ZFHX3: variants seen among roughly 807,000 people sequenced by gnomAD.
ZFHX3 encodes zinc finger homeobox 3.
In ZFHX3, 42 loss-of-function variants were observed where a neutral mutation model predicts 279.1. The observed-to-expected ratio is 0.15, with a 90% CI of 0.12 to 0.19. The LOEUF (loss-of-function observed/expected upper bound fraction) is 0.19, where lower values mean the gene tolerates loss of function less well. ZFHX3 is among the 10% of genes least tolerant of loss of function. ZFHX3 has a pLI of 1.00. For synonymous variants in ZFHX3, 2,293 were observed against 1,957.8 expected, an observed-to-expected ratio of 1.17 and a Z score of -4.52; for missense variants, 4,981 against 4,754.0, an observed-to-expected ratio of 1.05 and a Z score of -1.40.
chr16:73,783,309 G>C (rs2142306186), intron 1 of ZFHX3, among the ~76,000 whole-genome samples: 1 of 152,328 alleles, frequency 6.6e-6, no homozygotes, highest in South Asian at 2.1e-4. Context: ...GGCCTCTGCT[G>C]CAACTACGCC....
chr16:73,442,680 C>A (rs931093996), intron 3 of ZFHX3, among the ~76,000 whole-genome samples: 2 of 152,132 alleles, frequency 1.3e-5, no homozygotes, highest in African/African-American at 4.8e-5. Context: ...GCTGACCCAC[C>A]TCAGGGCCAT....
At chr16:73,303,142 C>A (rs1050506929) in intron 4 of ZFHX3, among the ~76,000 whole-genome samples, 1 of 152,018 alleles carries the variant, frequency 6.6e-6, no homozygotes, top group East Asian at 1.9e-4. Flanking sequence ...GATCCTCCCA[C>A]CTCGGCCTCC....
intron 2 of ZFHX3, among the ~76,000 whole-genome samples, chr16:73,649,858 G>A (rs2052654401): frequency 6.6e-6 from 1 of 152,160 alleles, no homozygotes; most frequent in Admixed American, 6.5e-5. Flanking sequence ...AGAATCAAAA[G>A]GGTAGCTAGA....
chr16:73,804,430 A>G (rs968609885), intron 1 of ZFHX3, among the ~76,000 whole-genome samples: 2 of 152,202 alleles, frequency 1.3e-5, no homozygotes, highest in Non-Finnish European at 2.9e-5. Flanking sequence ...CACATAGGTG[A>G]TACCCAGTAT....
chr16:73,882,789 C>G (rs1286383423), intron 1 of ZFHX3, among the ~76,000 whole-genome samples: 1 of 151,926 alleles, frequency 6.6e-6, no homozygotes, highest in Non-Finnish European at 1.5e-5. Flanking sequence ...CCCGAAACAA[C>G]TACTCAAAAA....
chr16:73,153,815 A>T (rs746669821), intron 5 of ZFHX3, among the ~76,000 whole-genome samples: 2 of 151,918 alleles, frequency 1.3e-5, no homozygotes, highest in Non-Finnish European at 2.9e-5. Flanking sequence ...ACACCCAGCT[A>T]ATTTTTGTAT....
intron 8 of ZFHX3, among the ~76,000 whole-genome samples, chr16:73,077,556 A>G (rs1965900120): frequency 7.1e-6 from 1 of 140,242 alleles, no homozygotes; most frequent in African/African-American, 2.7e-5. Context: ...ATCTGCTTAG[A>G]AAAAAAAAAA....
rs145359813 is a variant in ZFHX3 at position 73,855,691 on chromosome 16, C to T, written c.-1608+35960G>A. Reference sequence around the variant, plus strand: ...CAAGCTCAGAAAGCATTTACTAGAACGTAGGACTTAAAGAACAAAACTAAA... The same window carrying T: ...CAAGCTCAGAAAGCATTTACTAGAATGTAGGACTTAAAGAACAAAACTAAA... On this transcript the variant is annotated intron_variant, in intron 1 of 17. Coordinates refer to the ZFHX3 transcript ENST00000641206. Among the ~76,000 whole-genome samples the T allele has an allele frequency of 4.7e-3, 711 of 152,236 alleles. 3 individuals carry two copies. Among genetic ancestry groups the T allele is most frequent in the Non-Finnish European group, 7.4e-3 (502 of 68,006 alleles).
chr16:73,620,653 T>C (rs2143902554), intron 2 of ZFHX3, among the ~76,000 whole-genome samples: 1 of 152,320 alleles, frequency 6.6e-6, no homozygotes, highest in South Asian at 2.1e-4. Flanking sequence ...TTGATTCTTT[T>C]CCCCTAAGTG....
intron 3 of ZFHX3, among the ~76,000 whole-genome samples, chr16:73,414,138 T>C (rs1028599937): frequency 8.5e-5 from 13 of 152,256 alleles, no homozygotes; most frequent in African/African-American, 2.9e-4. Flanking sequence ...TGAAAAATAT[T>C]GTTACAAAGT....
intron 3 of ZFHX3, among the ~76,000 whole-genome samples, chr16:73,326,907 G>A (rs1230746059): frequency 3.3e-5 from 5 of 152,194 alleles, no homozygotes; most frequent in South Asian, 2.1e-4. Flanking sequence ...TTTGCCAAAC[G>A]CATCAAAGTC....
intron 5 of ZFHX3, among the ~76,000 whole-genome samples, chr16:73,151,058 T>C (rs559963830): frequency 6.6e-6 from 1 of 152,290 alleles, no homozygotes; most frequent in African/African-American, 2.4e-5. Flanking sequence ...GAAATCATGC[T>C]AAATGAAAGA....
At chr16:73,056,606 G>A (rs1965562072) in intron 1 of ZFHX3, among the ~76,000 whole-genome samples, 1 of 152,200 alleles carries the variant, frequency 6.6e-6, no homozygotes, top group East Asian at 1.9e-4. Flanking sequence ...CTACTATGGA[G>A]TGGACTTCCC....
chr16:73,020,944 T>A (rs1238072566), intron 1 of ZFHX3, among the ~76,000 whole-genome samples: 1 of 152,168 alleles, frequency 6.6e-6, no homozygotes, highest in Non-Finnish European at 1.5e-5. Context: ...ATTTAGTCTC[T>A]GAGCTTTTCT....
chr16:73,748,388 C>G (rs1299406714), intron 1 of ZFHX3, among the ~76,000 whole-genome samples: 2 of 152,120 alleles, frequency 1.3e-5, no homozygotes, highest in Non-Finnish European at 2.9e-5. Context: ...TTTAAAAAAC[C>G]TAATGTTAGT....
intron 1 of ZFHX3, among the ~76,000 whole-genome samples, chr16:73,763,323 T>A (rs545409827): frequency 6.6e-6 from 1 of 152,304 alleles, no homozygotes; most frequent in Non-Finnish European, 1.5e-5. Flanking sequence ...AAAAACAGAA[T>A]GTAACTAATG....
intron 1 of ZFHX3, among the ~76,000 whole-genome samples, chr16:73,836,616 G>A (rs745646705): frequency 6.6e-6 from 1 of 152,146 alleles, no homozygotes; most frequent in African/African-American, 2.4e-5. Context: ...TTTAATCAAC[G>A]AAATATGATC....
intron 3 of ZFHX3, among the ~76,000 whole-genome samples, chr16:73,419,040 T>C (rs1399464588): frequency 6.6e-6 from 1 of 152,152 alleles, no homozygotes; most frequent in Non-Finnish European, 1.5e-5. Context: ...GTAAACAAAA[T>C]CCAGTGGCAA....
intron 1 of ZFHX3, among the ~76,000 whole-genome samples, chr16:72,995,038 C>T (rs144982157): frequency 1.4e-4 from 21 of 152,318 alleles, no homozygotes; most frequent in African/African-American, 3.1e-4. Flanking sequence ...CTGCTCCTAA[C>T]GCCCCATTTA....
Sources: gnomAD v4.1 joint callset for allele counts (sites outside exome capture counted in the v4.1 genomes callset) on GRCh38, gnomAD v4.1.1 for gene constraint, MANE v1.5 for transcripts, NCBI Gene and HGNC (gene_info 2026-07-23, HGNC 2026-07-21) for gene names.